CSNK1G1: variants seen among roughly 807,000 people sequenced by gnomAD.
The protein encoded by CSNK1G1 is casein kinase I isoform gamma-1.
CSNK1G1 carries 22 observed loss-of-function variants against 59.6 expected under a neutral mutation model. The ratio of observed to expected loss-of-function variants is 0.37; its 90% CI spans 0.26 to 0.53. The LOEUF is 0.53. CSNK1G1 is among the 20% of genes least tolerant of loss of function. The pLI is 0.89. For missense variants in CSNK1G1, 384 were observed against 519.5 expected, an observed-to-expected ratio of 0.74 and a Z score of 2.54; for synonymous variants, 179 against 177.1, an observed-to-expected ratio of 1.01 and a Z score of -0.08.
chr15:64,236,142 CAAAAAAAAA>C (rs532663571), intron 4 of CSNK1G1, among the ~76,000 whole-genome samples: 1 of 68,032 alleles, frequency 1.5e-5, no homozygotes, highest in Non-Finnish European at 3.4e-5. Flanking sequence ...GACTCCATCT[CAAAAAAAAA>C]AAAAAAAAAA....
At chr15:64,281,430 ACT>A (rs1894126506) in intron 2 of CSNK1G1, among the ~76,000 whole-genome samples, 6 of 152,006 alleles carry the variant, frequency 3.9e-5, no homozygotes, top group Admixed American at 3.9e-4. Context: ...ACATAGTGAG[ACT>A]CCATCTCTAT....
chr15:64,243,661 C>T (rs755622858), intron 4 of CSNK1G1, among the ~76,000 whole-genome samples: 3 of 152,054 alleles, frequency 2.0e-5, no homozygotes, highest in Non-Finnish European at 2.9e-5. Context: ...AAAACTGCCA[C>T]CAAAAAAATT....
chr15:64,312,035 G>A (rs1307864479), intron 1 of CSNK1G1, among the ~76,000 whole-genome samples: 2 of 152,078 alleles, frequency 1.3e-5, no homozygotes, highest in African/African-American at 2.4e-5. Context: ...AAATACCTAG[G>A]AATACAACTT....
intron 2 of CSNK1G1, among the ~76,000 whole-genome samples, chr15:64,297,698 CAAA>C (rs35206976): frequency 7.4e-6 from 1 of 135,074 alleles, no homozygotes. Flanking sequence ...CCCTGTCTCT[CAAA>C]AAAAAAAAAA....
At chr15:64,230,697 G>A (rs1258633723) in intron 4 of CSNK1G1, among the ~76,000 whole-genome samples, 1 of 152,208 alleles carries the variant, frequency 6.6e-6, no homozygotes, top group Non-Finnish European at 1.5e-5. Context: ...TGGCAGCCGG[G>A]TGCAGTGGCT....
intron 2 of CSNK1G1, among the ~76,000 whole-genome samples, chr15:64,299,161 A>G (rs1895185320): frequency 6.6e-6 from 1 of 152,328 alleles, no homozygotes; most frequent in Admixed American, 6.5e-5. Context: ...CACAGTCTCA[A>G]GAGCTATGAA....
chr15:64,257,502 T>C (rs935834968), intron 3 of CSNK1G1, among the ~76,000 whole-genome samples: 8 of 152,190 alleles, frequency 5.3e-5, no homozygotes, highest in African/African-American at 1.9e-4. Flanking sequence ...ACCAAATTCC[T>C]ATAAATTAAA....
At chr15:64,309,272 G>A (rs905090789) in intron 1 of CSNK1G1, among the ~76,000 whole-genome samples, 6 of 150,444 alleles carry the variant, frequency 4.0e-5, no homozygotes, top group African/African-American at 1.2e-4. Flanking sequence ...TATTTGCAGG[G>A]CCTAGCATGG....
chr15:64,256,401 T>A (rs892680945), intron 3 of CSNK1G1, among the ~76,000 whole-genome samples: 7 of 151,526 alleles, frequency 4.6e-5, no homozygotes, highest in Non-Finnish European at 8.8e-5. Flanking sequence ...CTCCATAGAG[T>A]TCAAGGGTTG....
intron 2 of CSNK1G1, among the ~76,000 whole-genome samples, chr15:64,263,079 CAAAAA>C (rs1216890234): frequency 2.8e-4 from 15 of 53,582 alleles, no homozygotes; most frequent in Non-Finnish European, 5.5e-4. Flanking sequence ...AACGCCATCT[CAAAAA>C]AAAAAAAAAA....
In CSNK1G1 at chr15:64,216,233, C is replaced by T. The variant is rs2082310265; in HGVS notation, c.444+329G>A. Among the ~76,000 whole-genome samples, 1 of 152,026 alleles carries T rather than the reference C, an allele frequency of 6.6e-6. No individual in the cohort carries two copies. The highest frequency in any genetic ancestry group is 2.1e-4 in the South Asian group (1 of 4,818). ...GAGACCCTGTCTCAAAAATGAAAAACAAAACAAAACAAAATCAAATAAATT... is the reference window on the plus strand; with the variant it reads ...GAGACCCTGTCTCAAAAATGAAAAATAAAACAAAACAAAATCAAATAAATT... On this transcript the variant is annotated intron_variant, in intron 5 of 11. Transcript: ENST00000303052. The surrounding 1 kb of genome is among the most constrained non-coding windows in gnomAD (Gnocchi z 4.6).
intron 1 of CSNK1G1, among the ~76,000 whole-genome samples, chr15:64,325,901 G>C (rs1896811601): frequency 6.6e-6 from 1 of 152,190 alleles, no homozygotes; most frequent in Non-Finnish European, 1.5e-5. Flanking sequence ...TATCTGCCCT[G>C]ATTCCAGTGG....
intron 1 of CSNK1G1, among the ~76,000 whole-genome samples, chr15:64,347,480 CTGGCTTGCACCT>C (rs566992417): frequency 3.5e-4 from 53 of 151,226 alleles, no homozygotes; most frequent in Non-Finnish European, 5.7e-4. Flanking sequence ...ACTGGGTATG[CTGGCTTGCACCT>C]GTAGTCCAAG....
chr15:64,247,443 T>G (rs1891818739), intron 4 of CSNK1G1, among the ~76,000 whole-genome samples: 1 of 152,182 alleles, frequency 6.6e-6, no homozygotes, highest in Non-Finnish European at 1.5e-5. Context: ...TTTACTTTCT[T>G]CCCTGATTAT....
At chr15:64,268,318 G>A (rs1893090864) in intron 2 of CSNK1G1, among the ~76,000 whole-genome samples, 1 of 152,194 alleles carries the variant, frequency 6.6e-6, no homozygotes, top group African/African-American at 2.4e-5. Flanking sequence ...AGAGGCTGGG[G>A]AGGGAGAAGG....
At chr15:64,354,386 G>A (rs949707329) in intron 1 of CSNK1G1, among the ~76,000 whole-genome samples, 4 of 152,192 alleles carry the variant, frequency 2.6e-5, no homozygotes, top group African/African-American at 9.7e-5. Context: ...GACATGTGAT[G>A]TTAAGATTTA....
rs2082310698 is a variant in CSNK1G1, at chr15:64,216,282, T to C, written c.444+280A>G. On this transcript the variant is annotated intron_variant, in intron 5 of 11. Coordinates refer to ENST00000303052, the MANE Select transcript of CSNK1G1 (RefSeq NM_022048.5). This position sits in a 1 kb window ranked among gnomAD's most constrained non-coding sequence, Gnocchi z 4.6. ...TTATTCACATTTTTACAACTCCATCTAATCGACCTCTTTCTCCCTAATCTA... is the reference window on the plus strand; with the variant it reads ...TTATTCACATTTTTACAACTCCATCCAATCGACCTCTTTCTCCCTAATCTA... Among the ~76,000 whole-genome samples the C allele has an allele frequency of 6.6e-6, 1 of 152,210 alleles. No individual in the cohort carries two copies. Among genetic ancestry groups the C allele is most frequent in the African/African-American group, 2.4e-5 (1 of 41,462 alleles).
intron 2 of CSNK1G1, among the ~76,000 whole-genome samples, chr15:64,260,301 G>A (rs571941556): frequency 8.6e-5 from 13 of 151,992 alleles, no homozygotes; most frequent in African/African-American, 9.7e-5. Context: ...GGTACTGTAC[G>A]TACAGCATAA....
intron 4 of CSNK1G1, among the ~76,000 whole-genome samples, chr15:64,241,227 A>C (rs2140305088): frequency 6.6e-6 from 1 of 152,334 alleles, no homozygotes; most frequent in East Asian, 1.9e-4. Flanking sequence ...TAGATATATC[A>C]AAAGATCTTA....
Sources: gnomAD v4.1 joint callset for allele counts (sites outside exome capture counted in the v4.1 genomes callset) on GRCh38, gnomAD v4.1.1 for gene constraint, Gnocchi (gnomAD v3.1) non-coding constraint, MANE v1.5 for transcripts, NCBI Gene and HGNC (gene_info 2026-07-23, HGNC 2026-07-21) for gene names.